Variants in PHACTR4 observed in about 807,000 individuals in gnomAD.
PHACTR4 encodes the protein phosphatase and actin regulator 4.
A neutral mutation model predicts 72.7 loss-of-function variants in PHACTR4; 51 were observed. That is an observed-to-expected ratio of 0.70 (90% CI 0.56 to 0.89). The LOEUF (loss-of-function observed/expected upper bound fraction) is 0.89. Among genes scored for constraint, PHACTR4 ranks in the 40% least tolerant of loss-of-function variants. The pLI is 0.00. For missense variants in PHACTR4, 731 were observed against 861.8 expected (o/e 0.85, Z 1.90); for synonymous variants, 255 against 302.5 (o/e 0.84, Z 1.63).
At chr1:28,450,591 G>A (rs1053693018) in intron 2 of PHACTR4, among the ~76,000 whole-genome samples, 6 of 151,980 alleles carry the variant, frequency 3.9e-5, no homozygotes, top group Non-Finnish European at 8.8e-5. Flanking sequence ...GGATACCTGA[G>A]TATATTTTTT....
rs567203368 is a variant in PHACTR4, at chr1:28,407,582, T to G, written c.16+119T>G. ...TTCAGTATGCTACTCTCTAGAATAA[T>G]GGGTCTCAAACTTTTTGCTTCTATA... On this transcript the variant is annotated intron_variant, in intron 2 of 13. Coordinates refer to ENST00000373839, the MANE Select transcript of PHACTR4 (RefSeq NM_001048183.3). 1.2e-4 allele frequency: 87 copies of G among 748,674 alleles called. No homozygotes were observed. The East Asian group carries it at 2.1e-3, about 18-fold the overall frequency. 46.4% of individuals were successfully genotyped at this position (748,674 alleles called of 1,614,324 possible). A position where few individuals can be genotyped will look rare whatever the true frequency, so the allele number is the denominator to read the frequency against.
chr1:28,396,545 A>T (rs1653516179), intron 1 of PHACTR4, among the ~76,000 whole-genome samples: 1 of 151,840 alleles, frequency 6.6e-6, no homozygotes, highest in African/African-American at 2.4e-5. Flanking sequence ...AAAAAAGAAG[A>T]TAATAAAGAT....
Position 28,485,027 on chromosome 1 carries a change from G to A in PHACTR4, c.1761-4143G>A, listed in dbSNP as rs913560631. On this transcript the variant is annotated intron_variant, in intron 9 of 13. Coordinates refer to ENST00000373839, the MANE Select transcript of PHACTR4 (RefSeq NM_001048183.3). ...ATATTATTTAATCTTAAAAAAGAAGGAAATCCTCCAATATGCTAACAACAT... is the reference window on the plus strand; with the variant it reads ...ATATTATTTAATCTTAAAAAAGAAGAAAATCCTCCAATATGCTAACAACAT... 1.9e-4 allele frequency among the ~76,000 whole-genome samples: 29 copies of A among 152,140 alleles called. No individual in the cohort carries two copies. In the South Asian group the frequency reaches 2.9e-3, roughly 15 times the overall value.
At chr1:28,404,895 A>G (rs1042715173) in intron 1 of PHACTR4, among the ~76,000 whole-genome samples, 2 of 151,928 alleles carry the variant, frequency 1.3e-5, no homozygotes, top group Non-Finnish European at 2.9e-5. Context: ...CCTGATAGGT[A>G]TTTTTTCTGA....
At chr1:28,398,718 C>T (rs542933766) in intron 1 of PHACTR4, among the ~76,000 whole-genome samples, 1 of 151,902 alleles carries the variant, frequency 6.6e-6, no homozygotes, top group Admixed American at 6.6e-5. Flanking sequence ...ACTTGGGAGG[C>T]TGAGGCAGGA....
At chr1:28,403,735 A>T (rs1261577869) in intron 1 of PHACTR4, among the ~76,000 whole-genome samples, 1 of 151,990 alleles carries the variant, frequency 6.6e-6, no homozygotes, top group African/African-American at 2.4e-5. Context: ...GTCACTCTGT[A>T]ATCTCCTCCC....
At chr1:28,372,867 C>T (rs1272995852) in intron 1 of PHACTR4, among the ~76,000 whole-genome samples, 2 of 148,718 alleles carry the variant, frequency 1.3e-5, no homozygotes, top group African/African-American at 5.0e-5. Context: ...AAAAAAAAAA[C>T]ACAGAAATAA....
intron 9 of PHACTR4, among the ~76,000 whole-genome samples, chr1:28,486,576 G>A (rs1053104250): frequency 1.3e-5 from 2 of 151,770 alleles, no homozygotes; most frequent in African/African-American, 2.4e-5. Context: ...ATTTAAAAAG[G>A]AAGGCCCAGG....
rs1557839439 is a variant in PHACTR4, at chr1:28,473,952, A to T, written c.1222A>T (p.Ile408Leu). ...ILDQNFGEPH[I>L]PSRLPPLPLH... ...GGACCAGAACTTTGGGGAGCCCCATATACCCTCTAGGCTGCCTCCACTCCC... is the reference window on the plus strand; with the variant it reads ...GGACCAGAACTTTGGGGAGCCCCATTTACCCTCTAGGCTGCCTCCACTCCC... The change falls in exon 7 of 14, where the codon ATA becomes TTA. Residue 408 changes from isoleucine (I) to leucine (L), a missense_variant. Transcript: ENST00000373839. 6.2e-7 allele frequency: 1 copy of T among 1,614,114 alleles called. No homozygotes were observed. Among genetic ancestry groups the T allele is most frequent in the Non-Finnish European group, 8.5e-7 (1 of 1,180,008 alleles).
chr1:28,442,542 T>C (rs1251427857), intron 2 of PHACTR4, among the ~76,000 whole-genome samples: 1 of 152,106 alleles, frequency 6.6e-6, no homozygotes, highest in East Asian at 1.9e-4. Context: ...AGTCTCACTC[T>C]GTCACCCAAG....
intron 2 of PHACTR4, among the ~76,000 whole-genome samples, chr1:28,423,559 T>G (rs1183564982): frequency 6.6e-6 from 1 of 152,202 alleles, no homozygotes. Context: ...TCAGTAATTT[T>G]GGGTTTCTCA....
intron 2 of PHACTR4, chr1:28,453,653 T>G: frequency 7.7e-7 from 1 of 1,294,040 alleles, no homozygotes; most frequent in Non-Finnish European, 1.1e-6. Context: ...GGTTCTAACA[T>G]CCAAAAATCA....
chr1:28,396,038 A>G (rs1457552783), intron 1 of PHACTR4, among the ~76,000 whole-genome samples: 1 of 147,798 alleles, frequency 6.8e-6, no homozygotes, highest in Non-Finnish European at 1.5e-5. Flanking sequence ...GTAAGTCTCT[A>G]TATAATGTTT....
chr1:28,407,532 G>T (rs2124282266), intron 2 of PHACTR4, 69 bp downstream of exon 2: 1 of 1,433,594 alleles, frequency 7.0e-7, no homozygotes, highest in Middle Eastern at 1.8e-4. Flanking sequence ...TTAAAGCTTT[G>T]AGAGTAAATT....
At chr1:28,477,861 A>AT (rs1660021196) in intron 8 of PHACTR4, among the ~76,000 whole-genome samples, 1 of 150,930 alleles carries the variant, frequency 6.6e-6, no homozygotes, top group African/African-American at 2.4e-5. Context: ...TCATTTTTGT[A>AT]TTTTTTTATA....
At chr1:28,410,449 C>G (rs190500081) in intron 2 of PHACTR4, among the ~76,000 whole-genome samples, 62 of 152,226 alleles carry the variant, frequency 4.1e-4, no homozygotes, top group African/African-American at 1.3e-3. Context: ...GAGTGACCTC[C>G]TTGCTTCACT....
rs759885151 is a variant in PHACTR4 at position 28,459,173 on chromosome 1, C to T, written c.105C>T (p.Ser35=). 6.2e-7 allele frequency: 1 copy of T among 1,613,350 alleles called. No homozygotes were observed. The highest frequency in any genetic ancestry group is 8.5e-7 in the Non-Finnish European group (1 of 1,179,806). Residue 35 remains serine (S), a synonymous_variant, in exon 3 of 14, where the codon AGC becomes AGT. Coordinates refer to ENST00000373839, the MANE Select transcript of PHACTR4 (RefSeq NM_001048183.3). ...CAACACCTCCTACCAAAAGGAAGAGCAAGTTCTCAGGCTTTGGCAAGATCT... is the reference window on the plus strand; with the variant it reads ...CAACACCTCCTACCAAAAGGAAGAGTAAGTTCTCAGGCTTTGGCAAGATCT... ...GDTTPPTKRK[S]KFSGFGKIFK... is the part of the protein sequence containing the mutation.
In PHACTR4 at chr1:28,454,308, G is replaced by A. The variant is rs1199197196; in HGVS notation, c.17-4777G>A. 2.4e-4 allele frequency among the ~76,000 whole-genome samples: 29 copies of A among 121,218 alleles called. No homozygotes were observed. In the Admixed American group the frequency reaches 2.8e-3, roughly 12 times the overall value. The allele number at this position is 121,218 out of a possible 152,430, so 79.5% of individuals were successfully genotyped here. Reference sequence around the variant, plus strand: ...TTTTTTTTTTTTGAGACGGAGTCTCGCTCTGTCGCCCAGGCTGGAGTACAG... The same window carrying A: ...TTTTTTTTTTTTGAGACGGAGTCTCACTCTGTCGCCCAGGCTGGAGTACAG... On this transcript the variant is annotated intron_variant, in intron 2 of 13. Transcript: ENST00000373839.
intron 2 of PHACTR4, among the ~76,000 whole-genome samples, chr1:28,414,977 T>C (rs1395622358): frequency 6.6e-6 from 1 of 152,002 alleles, no homozygotes; most frequent in African/African-American, 2.4e-5. Flanking sequence ...AAGAAAAAAT[T>C]AGGCTGGGCG....
Sources: allele counts gnomAD v4.1 joint callset (sites outside exome capture counted in the v4.1 genomes callset), GRCh38; gene constraint gnomAD v4.1.1; transcripts MANE v1.5; gene names NCBI Gene and HGNC (gene_info 2026-07-23, HGNC 2026-07-21).